Variants in GPC5 observed in about 807,000 individuals in gnomAD.
GPC5 encodes the protein glypican-5.
Under a neutral mutation model 53.9 loss-of-function variants are expected in GPC5, and 47 were observed. The observed-to-expected ratio is 0.87, with a 90% CI of 0.69 to 1.11. The LOEUF is 1.11. Among genes scored for constraint, GPC5 ranks in the 50% most tolerant of loss-of-function variants. The pLI, the probability that GPC5 is intolerant of heterozygous loss-of-function variation, is 0.00. For synonymous variants in GPC5, 286 were observed against 263.3 expected (o/e 1.09, Z -0.84); for missense variants, 748 against 713.1 (o/e 1.05, Z -0.56).
intron 7 of GPC5, among the ~76,000 whole-genome samples, chr13:92,160,192 G>T (rs1360529497): frequency 6.6e-6 from 1 of 152,302 alleles, no homozygotes; most frequent in Admixed American, 6.5e-5. Context: ...TTATAGGCAT[G>T]AAAGTATCTA....
chr13:92,298,799 TGCTCTGTCTG>T (rs2043055891), intron 7 of GPC5, among the ~76,000 whole-genome samples: 1 of 152,208 alleles, frequency 6.6e-6, no homozygotes, highest in Admixed American at 6.5e-5. Flanking sequence ...CTCCACACGC[TGCTCTGTCTG>T]TCCCAGTGAG....
intron 7 of GPC5, among the ~76,000 whole-genome samples, chr13:92,669,344 C>T (rs1179791339): frequency 2.0e-5 from 3 of 152,136 alleles, no homozygotes; most frequent in African/African-American, 7.2e-5. Flanking sequence ...TTCCTCCTCT[C>T]TCTACTCAAA....
chr13:92,669,061 A>T (rs1488138832), intron 7 of GPC5, among the ~76,000 whole-genome samples: 1 of 152,154 alleles, frequency 6.6e-6, no homozygotes. Context: ...CTATAATTTG[A>T]ATATACAAAA....
intron 2 of GPC5, among the ~76,000 whole-genome samples, chr13:91,550,417 C>T (rs1451999066): frequency 2.0e-5 from 3 of 152,078 alleles, no homozygotes; most frequent in Non-Finnish European, 4.4e-5. Context: ...GTATCATTCT[C>T]ATGGGAGCTA....
intron 7 of GPC5, among the ~76,000 whole-genome samples, chr13:92,326,155 A>G (rs2043249227): frequency 1.3e-5 from 2 of 152,112 alleles, no homozygotes; most frequent in African/African-American, 4.8e-5. Flanking sequence ...ACCCTGAGTG[A>G]AGAATAAAGC....
chr13:92,444,549 G>A (rs574644169), intron 7 of GPC5, among the ~76,000 whole-genome samples: 13 of 152,064 alleles, frequency 8.5e-5, no homozygotes, highest in Admixed American at 3.3e-4. Flanking sequence ...CATTTAATAA[G>A]AGAACTGATG....
chr13:92,098,426 A>G (rs1023233576), intron 6 of GPC5, among the ~76,000 whole-genome samples: 1 of 152,176 alleles, frequency 6.6e-6, no homozygotes, highest in Non-Finnish European at 1.5e-5. Context: ...TTTCAGGAGT[A>G]ATTTGGGATT....
chr13:92,482,372 A>AT (rs1166196232), intron 7 of GPC5, among the ~76,000 whole-genome samples: 7 of 152,006 alleles, frequency 4.6e-5, no homozygotes, highest in African/African-American at 1.4e-4. Context: ...CCCCTATCTT[A>AT]TTTTTTTCCA....
chr13:92,054,364 G>C (rs2041057463), intron 6 of GPC5, among the ~76,000 whole-genome samples: 1 of 152,078 alleles, frequency 6.6e-6, no homozygotes. Flanking sequence ...ACTTCTTCAT[G>C]ACTTGAAATA....
At chr13:91,647,275 A>C (rs371117681) in intron 2 of GPC5, among the ~76,000 whole-genome samples, 4 of 152,282 alleles carry the variant, frequency 2.6e-5, no homozygotes, top group African/African-American at 9.6e-5. Flanking sequence ...TGCATGGTGA[A>C]GTTCTATAGG....
At chr13:92,242,444 C>G (rs2042620163) in intron 7 of GPC5, among the ~76,000 whole-genome samples, 1 of 151,884 alleles carries the variant, frequency 6.6e-6, no homozygotes, top group African/African-American at 2.4e-5. Flanking sequence ...GTGTTTTGTT[C>G]TGATCCTATT....
intron 7 of GPC5, among the ~76,000 whole-genome samples, chr13:92,721,028 G>A (rs1289738381): frequency 2.0e-5 from 3 of 151,956 alleles, no homozygotes; most frequent in Non-Finnish European, 4.4e-5. Flanking sequence ...AGAGTACTGT[G>A]GAGATGGAGG....
chr13:92,005,286 G>T (rs1485277117), intron 6 of GPC5, among the ~76,000 whole-genome samples: 7 of 152,160 alleles, frequency 4.6e-5, no homozygotes, highest in African/African-American at 1.7e-4. Context: ...AACTGCAACA[G>T]CCTTACACTA....
At chr13:91,630,766 A>C (rs1465023937) in intron 2 of GPC5, among the ~76,000 whole-genome samples, 1 of 152,128 alleles carries the variant, frequency 6.6e-6, no homozygotes, top group Non-Finnish European at 1.5e-5. Flanking sequence ...CAATCAGAAA[A>C]TTCACACCTT....
chr13:92,013,111 T>A (rs1317155127), intron 6 of GPC5, among the ~76,000 whole-genome samples: 3 of 152,218 alleles, frequency 2.0e-5, no homozygotes, highest in Non-Finnish European at 4.4e-5. Flanking sequence ...ATGTGGCAGC[T>A]GCCCTCTGCC....
At chr13:92,599,555 G>T (rs549076654) in intron 7 of GPC5, among the ~76,000 whole-genome samples, 125 of 152,286 alleles carry the variant, frequency 8.2e-4, no homozygotes, top group African/African-American at 3.0e-3. Flanking sequence ...AAATGAAGGG[G>T]CTGATAATGA....
intron 2 of GPC5, among the ~76,000 whole-genome samples, chr13:91,676,973 G>A (rs954152923): frequency 6.6e-6 from 1 of 152,130 alleles, no homozygotes. Flanking sequence ...ATATGGATAG[G>A]GAACAGCTTG....
chr13:91,478,042 CAG>C (rs912793083), intron 2 of GPC5, among the ~76,000 whole-genome samples: 1 of 151,228 alleles, frequency 6.6e-6, no homozygotes, highest in Non-Finnish European at 1.5e-5. Context: ...GAAAAAAAAA[CAG>C]ATTCATATTT....
chr13:92,028,289 T>C (rs2040815787), intron 6 of GPC5, among the ~76,000 whole-genome samples: 1 of 152,140 alleles, frequency 6.6e-6, no homozygotes, highest in African/African-American at 2.4e-5. Flanking sequence ...TAAAAATAAA[T>C]TATTTAATAT....
Sources: gnomAD v4.1 joint callset for allele counts (sites outside exome capture counted in the v4.1 genomes callset) on GRCh38, gnomAD v4.1.1 for gene constraint, MANE v1.5 for transcripts, NCBI Gene and HGNC (gene_info 2026-07-23, HGNC 2026-07-21) for gene names.